The following LUZP2 variants were observed in gnomAD, a reference collection of about 807,000 sequenced individuals.
LUZP2 encodes leucine zipper protein 2.
In LUZP2, 52 loss-of-function variants were observed where a neutral mutation model predicts 51.6. That is an observed-to-expected ratio of 1.01 (90% CI 0.81 to 1.27). The LOEUF (loss-of-function observed/expected upper bound fraction) is 1.27, where lower values mean the gene tolerates loss of function less well. LUZP2 is among the 50% of genes most tolerant of loss of function. The probability of loss-of-function intolerance (pLI) is 0.00; values close to 1 mark genes in which losing one functional copy is unlikely to be tolerated. For missense variants in LUZP2, 436 were observed against 395.4 expected (o/e 1.10, Z -0.87); for synonymous variants, 154 against 137.3 (o/e 1.12, Z -0.85).
intron 1 of LUZP2, among the ~76,000 whole-genome samples, chr11:24,619,451 C>G (rs1205947585): frequency 6.6e-6 from 1 of 152,162 alleles, no homozygotes; most frequent in Non-Finnish European, 1.5e-5. Flanking sequence ...ATACCTATCC[C>G]AGTGCCATAT....
chr11:24,503,393 A>C (rs1850060116), intron 1 of LUZP2, among the ~76,000 whole-genome samples: 1 of 152,164 alleles, frequency 6.6e-6, no homozygotes, highest in Non-Finnish European at 1.5e-5. Context: ...AGAAAGTGCA[A>C]ATATTTACTA....
chr11:24,820,353 G>A (rs1024518552), intron 5 of LUZP2, among the ~76,000 whole-genome samples: 3 of 152,104 alleles, frequency 2.0e-5, no homozygotes, highest in African/African-American at 7.2e-5. Flanking sequence ...GAAGCAATGA[G>A]GATGTATTTG....
chr11:24,664,964 A>G (rs1856163838), intron 1 of LUZP2, among the ~76,000 whole-genome samples: 1 of 152,152 alleles, frequency 6.6e-6, no homozygotes, highest in Admixed American at 6.5e-5. Context: ...CTATGAAAAG[A>G]GGTCCACCAT....
intron 1 of LUZP2, among the ~76,000 whole-genome samples, chr11:24,570,262 A>G (rs562356991): frequency 7.1e-4 from 108 of 152,102 alleles, no homozygotes; most frequent in African/African-American, 2.6e-3. Flanking sequence ...TTGATATTTC[A>G]TAGAATTTTC....
intron 1 of LUZP2, among the ~76,000 whole-genome samples, chr11:24,574,251 T>TC (rs796455287): frequency 4.9e-4 from 3 of 6,182 alleles, no homozygotes; most frequent in Non-Finnish European, 1.7e-3. Flanking sequence ...TTTCTTTCTT[T>TC]CTTTCTTTCT....
At chr11:24,602,166 GTGTATA>G (rs1415216952) in intron 1 of LUZP2, among the ~76,000 whole-genome samples, 4 of 94,714 alleles carry the variant, frequency 4.2e-5, no homozygotes, top group African/African-American at 2.0e-4. Flanking sequence ...ATGTATATAT[GTGTATA>G]TATATGTGTA....
At chr11:25,029,456 G>A (rs571405385) in intron 9 of LUZP2, among the ~76,000 whole-genome samples, 2 of 151,920 alleles carry the variant, frequency 1.3e-5, no homozygotes, top group South Asian at 2.1e-4. Context: ...ATGTGTAATC[G>A]GCTGGGTGCA....
chr11:24,866,121 C>T (rs1590660474), intron 5 of LUZP2, among the ~76,000 whole-genome samples: 1 of 15,400 alleles, frequency 6.5e-5, no homozygotes, highest in Admixed American at 1.1e-3. Context: ...CATACACACA[C>T]ACACACACAC....
At chr11:24,684,273 A>G (rs1373639124) in intron 1 of LUZP2, among the ~76,000 whole-genome samples, 1 of 152,158 alleles carries the variant, frequency 6.6e-6, no homozygotes, top group Non-Finnish European at 1.5e-5. Flanking sequence ...AATTGCCCAT[A>G]GGAAAAAAAA....
intron 5 of LUZP2, among the ~76,000 whole-genome samples, chr11:24,856,499 C>A (rs990114720): frequency 1.3e-5 from 2 of 151,892 alleles, no homozygotes; most frequent in African/African-American, 2.4e-5. Context: ...AATTAGTATA[C>A]CCTCTATAGA....
chr11:24,600,315 T>C (rs866596093), intron 1 of LUZP2, among the ~76,000 whole-genome samples: 11 of 151,834 alleles, frequency 7.2e-5, no homozygotes, highest in Non-Finnish European at 1.6e-4. Flanking sequence ...AGCTGCAAGA[T>C]GAGAAACACC....
chr11:24,920,472 T>G (rs1454405402), intron 7 of LUZP2, among the ~76,000 whole-genome samples: 1 of 151,910 alleles, frequency 6.6e-6, no homozygotes, highest in East Asian at 1.9e-4. Flanking sequence ...AATAATTAAA[T>G]CAAAACTTAT....
At chr11:24,982,400 C>A (rs1037262842) in intron 8 of LUZP2, among the ~76,000 whole-genome samples, 2 of 151,784 alleles carry the variant, frequency 1.3e-5, no homozygotes, top group East Asian at 3.9e-4. Context: ...ATATGTGACA[C>A]ATATACACCA....
intron 5 of LUZP2, among the ~76,000 whole-genome samples, chr11:24,769,577 A>G (rs970083209): frequency 2.6e-4 from 39 of 152,284 alleles, no homozygotes; most frequent in African/African-American, 9.4e-4. Context: ...GTTTCTGATA[A>G]AATAATGAAA....
chr11:24,783,849 C>T (rs1849163883), intron 5 of LUZP2, among the ~76,000 whole-genome samples: 1 of 151,950 alleles, frequency 6.6e-6, no homozygotes, highest in Non-Finnish European at 1.5e-5. Context: ...TAAGTTCTTA[C>T]TGAGTAACCA....
intron 1 of LUZP2, among the ~76,000 whole-genome samples, chr11:24,690,232 A>G (rs1361371025): frequency 1.3e-5 from 2 of 151,922 alleles, no homozygotes; most frequent in African/African-American, 4.8e-5. Context: ...AAACTTTTGG[A>G]AAAAAAATAA....
intron 5 of LUZP2, among the ~76,000 whole-genome samples, chr11:24,841,181 G>A (rs989617017): frequency 6.6e-6 from 1 of 151,936 alleles, no homozygotes; most frequent in Non-Finnish European, 1.5e-5. Flanking sequence ...AGGTGGAGTA[G>A]TGAGGGTGAA....
chr11:24,890,826 A>T, intron 5 of LUZP2: 1 of 796,136 alleles, frequency 1.3e-6, no homozygotes, highest in Non-Finnish European at 1.5e-6. Flanking sequence ...TGCTAACAGA[A>T]ATTTCTAAAA....
intron 7 of LUZP2, among the ~76,000 whole-genome samples, chr11:24,928,021 C>A (rs543939068): frequency 2.0e-5 from 3 of 151,878 alleles, no homozygotes; most frequent in East Asian, 3.9e-4. Context: ...AAGTTGAGTT[C>A]TTGATTTATT....
Sources: gnomAD v4.1 joint callset for allele counts (sites outside exome capture counted in the v4.1 genomes callset) on GRCh38, gnomAD v4.1.1 for gene constraint, MANE v1.5 for transcripts, NCBI Gene and HGNC (gene_info 2026-07-23, HGNC 2026-07-21) for gene names.